Variants in MYO18A observed in about 807,000 individuals in gnomAD.
MYO18A encodes the protein unconventional myosin-XVIIIa.
In MYO18A, 78 loss-of-function variants were observed where a neutral mutation model predicts 235.8. That is an observed-to-expected ratio of 0.33 (90% CI 0.28 to 0.40). The LOEUF is 0.40. MYO18A is among the 10% of genes least tolerant of loss of function. The pLI, the probability that MYO18A is intolerant of heterozygous loss-of-function variation, is 1.00. For missense variants in MYO18A, 2,215 were observed against 2,699.3 expected (o/e 0.82, Z 3.98); for synonymous variants, 977 against 1,077.8 (o/e 0.91, Z 1.83).
At chr17:29,085,323 T>G (rs991617970) in intron 40 of MYO18A, among the ~76,000 whole-genome samples, 3 of 152,206 alleles carry the variant, frequency 2.0e-5, no homozygotes, top group Non-Finnish European at 4.4e-5. Flanking sequence ...GAAGGTAAAC[T>G]TCTCAAATAG....
chr17:29,096,337 C>A (rs1367338370), intron 28 of MYO18A, among the ~76,000 whole-genome samples: 1 of 152,230 alleles, frequency 6.6e-6, no homozygotes. Context: ...TCCTTTGTAT[C>A]ATTACCATAA....
chr17:29,142,111 A>ATT (rs1382898691), intron 2 of MYO18A, among the ~76,000 whole-genome samples: 1 of 151,990 alleles, frequency 6.6e-6, no homozygotes, highest in Admixed American at 6.6e-5. Context: ...TGCCCGGCTA[A>ATT]TTTTTTGTAT....
At chr17:29,157,594 C>T (rs1361322488) in intron 2 of MYO18A, among the ~76,000 whole-genome samples, 2 of 152,234 alleles carry the variant, frequency 1.3e-5, no homozygotes, top group African/African-American at 2.4e-5. Flanking sequence ...ACTTTAACCT[C>T]TCAGTAATGC....
Position 29,121,626 on chromosome 17 carries a change from G to T in MYO18A, c.1292C>A (p.Ala431Asp). The change falls in exon 5 of 42, where the codon GCT becomes GAT. Residue 431 changes from alanine to aspartate, a missense_variant. By Grantham distance (126) the Ala-to-Asp change is moderately radical. Coordinates refer to ENST00000527372, the MANE Select transcript of MYO18A (RefSeq NM_078471.4). The surrounding 1 kb of genome is among the most constrained non-coding windows in gnomAD (Gnocchi z 4.2). ...VLHTLRQRYG[A>D]SLLHTYAGPS... ...GCCAGCATACGTGTGCAGCAGGCTA[G>T]CGCCATAGCGCTGGCGCAAGGTGTG... 6.3e-7 allele frequency: 1 copy of T among 1,584,140 alleles called. No individual in the cohort carries two copies. Among genetic ancestry groups the T allele is most frequent in the Non-Finnish European group, 8.6e-7 (1 of 1,165,436 alleles).
chr17:29,086,036 ATC>A (rs2066245062), intron 39 of MYO18A, among the ~76,000 whole-genome samples: 1 of 152,140 alleles, frequency 6.6e-6, no homozygotes. Context: ...AAGACTACAA[ATC>A]TCTTTCTCTC....
At chr17:29,080,051 TTCCG>T in intron 41 of MYO18A, 1 of 985,616 alleles carries the variant, frequency 1.0e-6, no homozygotes. Flanking sequence ...GAGCTGCTCC[TTCCG>T]CTCCTTCGCC....
Position 29,166,476 on chromosome 17 carries a change from C to T in MYO18A, c.465G>A (p.Thr155=), listed in dbSNP as rs1376759858. Residue 155 remains threonine, a synonymous_variant, in exon 2 of 42, where the codon ACG becomes ACA. Transcript: ENST00000527372. Reference sequence around the variant, plus strand: ...AGGGGGCGGCAGAGTGCTCTGAGGGCGTCGAGGTTTCTGAGGCGCTCTCAT... The same window carrying T: ...AGGGGGCGGCAGAGTGCTCTGAGGGTGTCGAGGTTTCTGAGGCGCTCTCAT... ...SRDESASETS[T]PSEHSAAPSP... is the part of the protein sequence containing the mutation. 1.9e-6 allele frequency: 3 copies of T among 1,613,614 alleles called. No individual in the cohort carries two copies. The highest frequency in any genetic ancestry group is 2.2e-5 in the East Asian group (1 of 44,866).
chr17:29,120,849 G>C lies in MYO18A; in HGVS notation c.1586-91C>G. 6.4e-7 allele frequency: 1 copy of C among 1,567,684 alleles called. No individual in the cohort carries two copies. The highest frequency in any genetic ancestry group is 8.7e-7 in the Non-Finnish European group (1 of 1,153,488). On this transcript the variant is annotated intron_variant, in intron 6 of 41. Coordinates refer to ENST00000527372, the MANE Select transcript of MYO18A (RefSeq NM_078471.4). This position sits in a 1 kb window ranked among gnomAD's most constrained non-coding sequence, Gnocchi z 4.2. The stretch of plus-strand genomic sequence containing the variant: ...TACCCCAGAGGTATGAAGGCTTGGG[G>C]CCATTCAGACCAGAACTGCCCGTGG...
chr17:29,081,775 G>T (rs1320032099), intron 41 of MYO18A, among the ~76,000 whole-genome samples: 1 of 152,166 alleles, frequency 6.6e-6, no homozygotes, highest in African/African-American at 2.4e-5. Flanking sequence ...CTAGAAAACA[G>T]GGGAGTACAT....
Position 29,165,939 on chromosome 17 carries a change from C to A in MYO18A, c.999+3G>T. On this transcript the variant is annotated splice_donor_region_variant and intron_variant, in intron 2 of 41. Transcript: ENST00000527372. The stretch of plus-strand genomic sequence containing the variant: ...TAGCCCAGGTGCCCAGGGAAGCACT[C>A]ACATCGGATGGCTCCCTGCGAGGTC... 1.2e-6 allele frequency: 2 copies of A among 1,609,448 alleles called. No individual in the cohort carries two copies. The highest frequency in any genetic ancestry group is 1.7e-6 in the Non-Finnish European group (2 of 1,177,342).
rs1014206495 is a variant in MYO18A at position 29,128,584 on chromosome 17, C to G, written c.1000-6331G>C. The G allele has an allele frequency of 5.0e-6, 6 of 1,190,458 alleles. No homozygotes were observed. In the African/African-American group the frequency reaches 9.6e-5, roughly 19 times the overall value. 73.7% of individuals were successfully genotyped at this position (1,190,458 alleles called of 1,614,324 possible). On this transcript the variant is annotated intron_variant, in intron 2 of 41. Coordinates refer to ENST00000527372, the MANE Select transcript of MYO18A (RefSeq NM_078471.4). ...ATACAGGTAGACATTAGCATCACCC[C>G]TGCAGCCCTGCCCATCCCATGCAGA...
In MYO18A at chr17:29,128,186, G is replaced by T. The variant is rs1051540677; in HGVS notation, c.1000-5933C>A. ...CTTCTTCACTTCAGGCTTAGGCGGA[G>T]CAGGGGGAGGTGGGGGAGGGGGTGG... is the stretch of plus-strand genomic sequence containing the variant. On this transcript the variant is annotated intron_variant, in intron 2 of 41. Coordinates refer to ENST00000527372, the MANE Select transcript of MYO18A (RefSeq NM_078471.4). 1.5e-5 allele frequency: 17 copies of T among 1,155,448 alleles called. No homozygotes were observed. The Admixed American group carries it at 6.7e-4, about 45-fold the overall frequency. 71.6% of individuals were successfully genotyped at this position (1,155,448 alleles called of 1,614,324 possible).
rs2067193887 is a variant in MYO18A, at chr17:29,121,303, T to G, written c.1372-92A>C. Reference sequence around the variant, plus strand: ...CCCCAAGGTCCACATCTTTCTGGATTTTCCCTCCTGTAGTGCCCAGGGATT... The same window carrying G: ...CCCCAAGGTCCACATCTTTCTGGATGTTCCCTCCTGTAGTGCCCAGGGATT... On this transcript the variant is annotated intron_variant, in intron 5 of 41. Transcript: ENST00000527372. The surrounding 1 kb of genome is among the most constrained non-coding windows in gnomAD (Gnocchi z 4.2). The G allele has an allele frequency of 1.3e-5, 18 of 1,416,712 alleles. No homozygotes were observed. The highest frequency in any genetic ancestry group is 1.6e-5 in the Non-Finnish European group (17 of 1,039,306). The allele number at this position is 1,416,712 out of a possible 1,614,324, so 87.8% of individuals were successfully genotyped here. A position where few individuals can be genotyped will look rare whatever the true frequency, so the allele number is the denominator to read the frequency against.
chr17:29,083,524 G>GCC (rs1245758988), intron 40 of MYO18A, among the ~76,000 whole-genome samples: 5 of 139,496 alleles, frequency 3.6e-5, no homozygotes, highest in African/African-American at 1.4e-4. Flanking sequence ...GCATGTGTGC[G>GCC]CGCGCGCGCA....
intron 14 of MYO18A, chr17:29,114,328 A>C: frequency 7.7e-6 from 4 of 521,810 alleles, no homozygotes; most frequent in African/African-American, 1.9e-5. Context: ...TCACATTCTC[A>C]TTACTCACAT....
chr17:29,090,738 C>G (rs1052631217), intron 35 of MYO18A, 72 bp downstream of exon 35: 2 of 1,535,102 alleles, frequency 1.3e-6, no homozygotes, highest in Admixed American at 3.4e-5. Context: ...AGCGGTTGTG[C>G]GGGGGACCCA....
intron 2 of MYO18A, among the ~76,000 whole-genome samples, chr17:29,138,562 G>A (rs114326448): frequency 1.2e-3 from 181 of 152,338 alleles, no homozygotes; most frequent in African/African-American, 4.2e-3. Flanking sequence ...AGTAAAAAAC[G>A]GTTAATCATT....
chr17:29,091,579 T>C (rs1396093459), intron 34 of MYO18A: 1 of 452,746 alleles, frequency 2.2e-6, no homozygotes, highest in African/African-American at 2.0e-5. Context: ...AATAAAATGG[T>C]AATTTTATAA....
chr17:29,096,979 G>A (rs2066534383), intron 27 of MYO18A, 64 bp from the exon 28 acceptor site: 3 of 1,474,050 alleles, frequency 2.0e-6, no homozygotes, highest in Non-Finnish European at 2.7e-6. Context: ...AAGGTGAGGA[G>A]AGGGAAGTGG....
Sources: gnomAD v4.1 joint callset for allele counts (sites outside exome capture counted in the v4.1 genomes callset) on GRCh38, gnomAD v4.1.1 for gene constraint, Gnocchi (gnomAD v3.1) non-coding constraint, MANE v1.5 for transcripts, NCBI Gene and HGNC (gene_info 2026-07-23, HGNC 2026-07-21) for gene names.